SOCS5: variants seen among roughly 807,000 people sequenced by gnomAD.
SOCS5 encodes the protein suppressor of cytokine signaling 5.
SOCS5 carries 32 observed loss-of-function variants against 42.8 expected under a neutral mutation model. The observed-to-expected ratio is 0.75, with a 90% CI of 0.56 to 1.01. SOCS5 has a LOEUF of 1.01. SOCS5 is among the 50% of genes least tolerant of loss of function. The probability of loss-of-function intolerance (pLI) is 0.00; values close to 1 mark genes in which losing one functional copy is unlikely to be tolerated. For synonymous variants in SOCS5, 283 were observed against 229.6 expected (o/e 1.23, Z -2.10); for missense variants, 627 against 653.0 (o/e 0.96, Z 0.43).
At chr2:46,715,197 A>G (rs1672710675) in intron 1 of SOCS5, among the ~76,000 whole-genome samples, 1 of 151,924 alleles carries the variant, frequency 6.6e-6, no homozygotes, top group Non-Finnish European at 1.5e-5. Context: ...AGTAGGACAC[A>G]GTATCTATAA....
rs576973670 is a variant in SOCS5 at position 46,761,496 on chromosome 2, G to T, written c.*1355G>T. The T allele has an allele frequency of 7.8e-5, 13 of 167,190 alleles. No individual in the cohort carries two copies. In the South Asian group the frequency reaches 1.9e-3, roughly 24 times the overall value. 10.4% of individuals were successfully genotyped at this position (167,190 alleles called of 1,614,324 possible). A position where few individuals can be genotyped will look rare whatever the true frequency, so the allele number is the denominator to read the frequency against. On this transcript the variant is annotated 3_prime_UTR_variant, in exon 2 of 2. Transcript: ENST00000394861. ...GGCTATTGCCAAGGCTACAAAAAAG[G>T]AAAGCTATATTTGTATGCAACACTA...
Position 46,738,346 on chromosome 2 carries a change from G to T in SOCS5, c.-12-20173G>T, listed in dbSNP as rs563016661. ...CTGGCAGTGAAAGTAGACAGAAAAG[G>T]TACACTGGAGGGACATCTTGAAAAA... On this transcript the variant is annotated intron_variant, in intron 1 of 1. Transcript: ENST00000394861. Among the ~76,000 whole-genome samples, 7 of 152,268 alleles carry T rather than the reference G, an allele frequency of 4.6e-5. No individual in the cohort carries two copies. The South Asian group carries it at 1.5e-3, about 32-fold the overall frequency.
intron 1 of SOCS5, among the ~76,000 whole-genome samples, chr2:46,727,146 T>C (rs1673015771): frequency 6.0e-5 from 1 of 16,618 alleles, no homozygotes; most frequent in Non-Finnish European, 1.7e-4. Context: ...GGAGCCTTCT[T>C]TTTTTTTTTT....
rs916695223 is a variant in SOCS5 at position 46,699,961 on chromosome 2, A to G, written c.-13+512A>G. 6.6e-6 allele frequency among the ~76,000 whole-genome samples: 1 copy of G among 152,080 alleles called. No individual in the cohort carries two copies. Among genetic ancestry groups the G allele is most frequent in the Admixed American group, 6.5e-5 (1 of 15,270 alleles). On this transcript the variant is annotated intron_variant, in intron 1 of 1. Transcript: ENST00000394861. This position sits in a 1 kb window ranked among gnomAD's most constrained non-coding sequence, Gnocchi z 4.8. ...CTCTTGGGGATGAGGGAGGGAACCA[A>G]TGAGTACATATGTGGGAAATGAATT... is the stretch of plus-strand genomic sequence containing the variant.
At chr2:46,723,951 A>G (rs1672939057) in intron 1 of SOCS5, among the ~76,000 whole-genome samples, 1 of 151,992 alleles carries the variant, frequency 6.6e-6, no homozygotes, top group South Asian at 2.1e-4. Flanking sequence ...TCATTGTGTT[A>G]TTAGTTGTAC....
intron 1 of SOCS5, among the ~76,000 whole-genome samples, chr2:46,729,584 A>C (rs1673070232): frequency 6.6e-6 from 1 of 152,238 alleles, no homozygotes; most frequent in African/African-American, 2.4e-5. Context: ...CAAAGGGTAC[A>C]GTAAAAATAC....
In SOCS5 at chr2:46,758,746, G is replaced by A. The variant is rs1210996352; in HGVS notation, c.216G>A (p.Ser72=). 1.9e-6 allele frequency: 3 copies of A among 1,614,140 alleles called. No homozygotes were observed. Among genetic ancestry groups the A allele is most frequent in the East Asian group, 4.5e-5 (2 of 44,864 alleles). Residue 72 remains serine (S), a synonymous_variant, in exon 2 of 2, where the codon TCG becomes TCA. Transcript: ENST00000394861. ...CCTTACAACTGGGATTAAGCCCTTC[G>A]AAGAATTCTTCAAGGAGAAATCAAA... ...NIALQLGLSP[S]KNSSRRNQNC...
At chr2:46,713,198 A>C (rs1037817296) in intron 1 of SOCS5, among the ~76,000 whole-genome samples, 1 of 152,186 alleles carries the variant, frequency 6.6e-6, no homozygotes, top group Non-Finnish European at 1.5e-5. Flanking sequence ...TCTACCAAAA[A>C]TTTAAAAACT....
At chr2:46,752,714 C>A (rs1673650256) in intron 1 of SOCS5, among the ~76,000 whole-genome samples, 1 of 152,132 alleles carries the variant, frequency 6.6e-6, no homozygotes, top group African/African-American at 2.4e-5. Flanking sequence ...GACTAATTAT[C>A]ATTTACTTAC....
chr2:46,712,671 A>G (rs1430544480), intron 1 of SOCS5, among the ~76,000 whole-genome samples: 6 of 152,172 alleles, frequency 3.9e-5, no homozygotes, highest in Non-Finnish European at 8.8e-5. Flanking sequence ...ATGAGTCTGC[A>G]CTATTGAGAC....
intron 1 of SOCS5, among the ~76,000 whole-genome samples, chr2:46,727,144 CTTTTTTTTTTT>C (rs759203329): frequency 1.2e-5 from 1 of 86,412 alleles, no homozygotes; most frequent in Admixed American, 1.5e-4. Context: ...TTGGAGCCTT[CTTTTTTTTTTT>C]TTTTTTTTTT....
At chr2:46,708,723 C>A (rs757836211) in intron 1 of SOCS5, among the ~76,000 whole-genome samples, 3 of 152,140 alleles carry the variant, frequency 2.0e-5, no homozygotes, top group Non-Finnish European at 4.4e-5. Flanking sequence ...TGGGATCTTT[C>A]TTCCTGCCTT....
chr2:46,759,600 G>A lies in SOCS5; in HGVS notation c.1070G>A (p.Trp357Ter). 6.2e-7 allele frequency: 1 copy of A among 1,613,962 alleles called. No individual in the cohort carries two copies. The highest frequency in any genetic ancestry group is 8.5e-7 in the Non-Finnish European group (1 of 1,179,876). ...ACCCATGTTAGCAGACAGGGAGCTTGGAAAGTCCACACACAGATTGATTAC... is the reference window on the plus strand; with the variant it reads ...ACCCATGTTAGCAGACAGGGAGCTTAGAAAGTCCACACACAGATTGATTAC... ...SHTHVSRQGAWKVHTQIDYIH... is the reference protein window; with the variant it reads ...SHTHVSRQGA Residue 357 changes from tryptophan to a stop codon, truncating the protein, a stop_gained, in exon 2 of 2, where the codon TGG becomes TAG. Transcript: ENST00000394861. LOFTEE classifies it high-confidence loss of function.
chr2:46,760,313 A>G lies in SOCS5; in HGVS notation c.*172A>G, dbSNP rs570229445. On this transcript the variant is annotated 3_prime_UTR_variant, in exon 2 of 2. Transcript: ENST00000394861. ...ACTTATTCAGATAAACATGGTGCCT[A>G]TTGGAACAATAGCGGATAGAGCTAC... 12 of 603,768 alleles carry G rather than the reference A, an allele frequency of 2.0e-5. No homozygotes were observed. In the East Asian group the frequency reaches 3.1e-4, roughly 16 times the overall value. The allele number at this position is 603,768 out of a possible 1,614,324, so 37.4% of individuals were successfully genotyped here.
rs1433341884 is a variant in SOCS5, at chr2:46,716,638, C to T, written c.-13+17189C>T. Among the ~76,000 whole-genome samples the T allele has an allele frequency of 3.9e-5, 6 of 151,948 alleles. 1 individual carries two copies. Among genetic ancestry groups the T allele is most frequent in the African/African-American group, 1.5e-4 (6 of 41,350 alleles). ...AACCATAGGTGCACACCACCACACC[C>T]AGCTAATATTTTGACTTTTTTGTGC... On this transcript the variant is annotated intron_variant, in intron 1 of 1. Transcript: ENST00000394861.
intron 1 of SOCS5, among the ~76,000 whole-genome samples, chr2:46,726,738 A>AATTATTATTATTATTATTATT (rs111456718): frequency 6.9e-6 from 1 of 145,462 alleles, no homozygotes; most frequent in African/African-American, 2.5e-5. Context: ...TTCAGTTCTA[A>AATTATTATTATTATTATTATT]ATTATTATTA....
intron 1 of SOCS5, among the ~76,000 whole-genome samples, chr2:46,700,724 A>G (rs6705737): frequency 0.14 from 21,716 of 152,166 alleles, 2,128 homozygotes; most frequent in East Asian, 0.43. Context: ...TCCTTTATAT[A>G]GCACTCTTGA....
At chr2:46,720,969 G>C (rs140384645) in intron 1 of SOCS5, among the ~76,000 whole-genome samples, 1 of 152,224 alleles carries the variant, frequency 6.6e-6, no homozygotes, top group Non-Finnish European at 1.5e-5. Context: ...GAGTGAGTCC[G>C]TTCTGCTCCT....
intron 1 of SOCS5, among the ~76,000 whole-genome samples, chr2:46,704,305 G>A (rs915906257): frequency 2.6e-5 from 4 of 152,160 alleles, no homozygotes; most frequent in African/African-American, 9.7e-5. Context: ...GTATCCTTGA[G>A]TTAGAAGTAT....
Sources: allele counts gnomAD v4.1 joint callset (sites outside exome capture counted in the v4.1 genomes callset), GRCh38; gene constraint gnomAD v4.1.1; non-coding constraint Gnocchi (gnomAD v3.1); transcripts MANE v1.5; gene names NCBI Gene and HGNC (gene_info 2026-07-23, HGNC 2026-07-21).